Variants in BMP2K observed in about 807,000 individuals in gnomAD.
BMP2K encodes the protein BMP2 inducible kinase.
In BMP2K, 74 loss-of-function variants were observed where a neutral mutation model predicts 116.0. The observed-to-expected ratio is 0.64, with a 90% CI of 0.53 to 0.77. The LOEUF (loss-of-function observed/expected upper bound fraction) is 0.77. Ranked by LOEUF, BMP2K falls within the 30% of genes least tolerant of loss-of-function variation. The pLI is 0.00. For missense variants in BMP2K, 1,365 were observed against 1,403.6 expected (o/e 0.97, Z 0.44); for synonymous variants, 486 against 502.5 (o/e 0.97, Z 0.44).
chr4:78,826,351 A>G (rs1463999233), intron 2 of BMP2K, among the ~76,000 whole-genome samples, 196 bp downstream of exon 2: 26 of 152,092 alleles, frequency 1.7e-4, no homozygotes, highest in Admixed American at 1.7e-3. Context: ...ACAGGTGTCC[A>G]TCACCATACC....
intron 15 of BMP2K, among the ~76,000 whole-genome samples, chr4:78,895,468 G>T (rs2110085762): frequency 6.6e-6 from 1 of 152,170 alleles, no homozygotes; most frequent in East Asian, 1.9e-4. Flanking sequence ...ATCCCAGAGG[G>T]TTTAGGATAA....
At chr4:78,809,977 C>T (rs1271139184) in intron 1 of BMP2K, among the ~76,000 whole-genome samples, 1 of 152,144 alleles carries the variant, frequency 6.6e-6, no homozygotes, top group Non-Finnish European at 1.5e-5. Context: ...AATGTGGCAA[C>T]TCTGGAAACT....
intron 15 of BMP2K, among the ~76,000 whole-genome samples, chr4:78,892,134 A>G (rs565596449): frequency 2.6e-5 from 4 of 152,260 alleles, no homozygotes; most frequent in Non-Finnish European, 4.4e-5. Flanking sequence ...TGTTACTTGT[A>G]CTTTCTGTAA....
intron 10 of BMP2K, among the ~76,000 whole-genome samples, chr4:78,867,377 A>G (rs1202625958): frequency 6.6e-6 from 1 of 152,138 alleles, no homozygotes; most frequent in Non-Finnish European, 1.5e-5. Context: ...CATCAAAGTC[A>G]TAGTGTCCTT....
intron 7 of BMP2K, among the ~76,000 whole-genome samples, chr4:78,856,567 T>G (rs1731515065): frequency 6.6e-6 from 1 of 152,106 alleles, no homozygotes; most frequent in African/African-American, 2.4e-5. Context: ...TATTCAGAGA[T>G]AAAAATGTAG....
At chr4:78,892,299 T>G (rs1386197070) in intron 15 of BMP2K, among the ~76,000 whole-genome samples, 1 of 152,212 alleles carries the variant, frequency 6.6e-6, no homozygotes, top group African/African-American at 2.4e-5. Context: ...TTTCTTACAT[T>G]GTAAATTTTG....
chr4:78,811,144 A>G (rs1057303413), intron 1 of BMP2K, among the ~76,000 whole-genome samples: 4 of 152,108 alleles, frequency 2.6e-5, no homozygotes, highest in African/African-American at 9.7e-5. Context: ...CTTTTACTGC[A>G]CTTGTGGTAT....
At chr4:78,883,345 A>G (rs1577956018) in intron 14 of BMP2K, among the ~76,000 whole-genome samples, 2 of 152,286 alleles carry the variant, frequency 1.3e-5, no homozygotes, top group Non-Finnish European at 2.9e-5. Context: ...TACAAAATTA[A>G]TGTGTATATT....
chr4:78,897,771 G>C (rs1733781361), intron 15 of BMP2K, among the ~76,000 whole-genome samples: 2 of 152,118 alleles, frequency 1.3e-5, no homozygotes, highest in Non-Finnish European at 2.9e-5. Flanking sequence ...TATGGGCATA[G>C]TCTCAGAAGT....
chr4:78,809,284 C>G (rs1364530648), intron 1 of BMP2K, among the ~76,000 whole-genome samples: 2 of 151,462 alleles, frequency 1.3e-5, no homozygotes, highest in Non-Finnish European at 2.9e-5. Flanking sequence ...CTAGCCCTTT[C>G]TTTGGTTATT....
intron 8 of BMP2K, chr4:78,860,199 C>T (rs1186529739): frequency 3.0e-5 from 12 of 396,298 alleles, no homozygotes; most frequent in South Asian, 1.2e-4. Flanking sequence ...AGGTGGGAAG[C>T]GGATGAAGGA....
intron 1 of BMP2K, among the ~76,000 whole-genome samples, chr4:78,814,877 C>T (rs1729259837): frequency 6.6e-6 from 1 of 152,096 alleles, no homozygotes; most frequent in Non-Finnish European, 1.5e-5. Flanking sequence ...ATATTCACAT[C>T]TAGAGACTGG....
intron 10 of BMP2K, among the ~76,000 whole-genome samples, chr4:78,867,756 G>A (rs992725740): frequency 6.6e-5 from 10 of 152,084 alleles, no homozygotes; most frequent in African/African-American, 2.4e-4. Context: ...AATAATTCAT[G>A]TTGTATTTAA....
chr4:78,872,849 C>T, intron 13 of BMP2K, 51 bp downstream of exon 13: 3 of 1,549,236 alleles, frequency 1.9e-6, no homozygotes, highest in Non-Finnish European at 2.7e-6. Flanking sequence ...AAGTGGAAGT[C>T]ATCGTTGAAT....
intron 1 of BMP2K, among the ~76,000 whole-genome samples, chr4:78,778,213 T>C (rs1448177303): frequency 6.6e-6 from 1 of 152,124 alleles, no homozygotes; most frequent in Non-Finnish European, 1.5e-5. Context: ...TTTTATTTAA[T>C]AGAAAAAAAA....
chr4:78,851,437 A>C (rs1362974006), intron 7 of BMP2K, among the ~76,000 whole-genome samples: 1 of 152,064 alleles, frequency 6.6e-6, no homozygotes, highest in Non-Finnish European at 1.5e-5. Flanking sequence ...TACAAGGCAA[A>C]ATTTATTAAA....
intron 15 of BMP2K, among the ~76,000 whole-genome samples, chr4:78,908,267 A>G (rs2110105491): frequency 6.6e-6 from 1 of 152,252 alleles, no homozygotes; most frequent in South Asian, 2.1e-4. Flanking sequence ...TTGCCAACAA[A>G]CTATACAAGA....
intron 1 of BMP2K, among the ~76,000 whole-genome samples, chr4:78,798,821 TAA>T (rs1728424740): frequency 6.6e-6 from 1 of 152,230 alleles, no homozygotes; most frequent in African/African-American, 2.4e-5. Flanking sequence ...ACATTGAGGC[TAA>T]GTGCTGAATG....
chr4:78,805,374 TTGTTTTGGC>T (rs958039824), intron 1 of BMP2K, among the ~76,000 whole-genome samples: 43 of 152,226 alleles, frequency 2.8e-4, no homozygotes, highest in African/African-American at 9.4e-4. Flanking sequence ...TTTTTTCAGG[TTGTTTTGGC>T]TGTTTTGGGT....
Sources: allele counts gnomAD v4.1 joint callset (sites outside exome capture counted in the v4.1 genomes callset), GRCh38; gene constraint gnomAD v4.1.1; transcripts MANE v1.5; gene names NCBI Gene and HGNC (gene_info 2026-07-23, HGNC 2026-07-21).